Variants in ABTB3 observed in about 807,000 individuals in gnomAD.
The protein encoded by ABTB3 is ankyrin repeat and BTB domain containing 3.
the ABTB3 span, among the ~76,000 whole-genome samples, chr12:107,325,406 G>A: frequency 6.6e-6 from 1 of 152,214 alleles, no homozygotes; most frequent in African/African-American, 2.4e-5. Flanking sequence ...AGAGCCAGCT[G>A]TAGCAGTATC....
the ABTB3 span, among the ~76,000 whole-genome samples, chr12:107,621,432 C>T: frequency 4.8e-5 from 7 of 145,638 alleles, no homozygotes; most frequent in East Asian, 1.9e-4. Flanking sequence ...TAGTGAGAAA[C>T]ATTCCCAGGG....
the ABTB3 span, among the ~76,000 whole-genome samples, chr12:107,349,481 A>G: frequency 1.3e-5 from 2 of 152,192 alleles, 1 homozygote; most frequent in East Asian, 3.9e-4. Flanking sequence ...GACATTGAGC[A>G]TGCAGATGGA....
At chr12:107,344,392 T>C in the ABTB3 span, among the ~76,000 whole-genome samples, 1 of 152,194 alleles carries the variant, frequency 6.6e-6, no homozygotes, top group African/African-American at 2.4e-5. Context: ...TTGGTTGGGT[T>C]GCCAACCAAT....
the ABTB3 span, among the ~76,000 whole-genome samples, chr12:107,452,718 G>A: frequency 2.6e-5 from 4 of 152,146 alleles, no homozygotes; most frequent in Non-Finnish European, 5.9e-5. Flanking sequence ...GCAGGCACTT[G>A]TAATCCCAGC....
chr12:107,420,800 G>A, the ABTB3 span, among the ~76,000 whole-genome samples: 1 of 152,126 alleles, frequency 6.6e-6, no homozygotes, highest in Non-Finnish European at 1.5e-5. Flanking sequence ...CTGCACCCTG[G>A]GGATTAAAAG....
the ABTB3 span, among the ~76,000 whole-genome samples, chr12:107,526,270 C>A: frequency 6.6e-6 from 1 of 152,148 alleles, no homozygotes; most frequent in Non-Finnish European, 1.5e-5. Flanking sequence ...AATCAAGAGG[C>A]CACGAAAATC....
At chr12:107,574,451 G>C in the ABTB3 span, among the ~76,000 whole-genome samples, 1 of 152,158 alleles carries the variant, frequency 6.6e-6, no homozygotes, top group East Asian at 1.9e-4. Context: ...AGCTGGGTGC[G>C]GTGGCTCATT....
chr12:107,341,648 C>A, the ABTB3 span, among the ~76,000 whole-genome samples: 1 of 152,082 alleles, frequency 6.6e-6, no homozygotes, highest in African/African-American at 2.4e-5. Flanking sequence ...TCAGTGGAAC[C>A]CAGTTTGAAA....
the ABTB3 span, among the ~76,000 whole-genome samples, chr12:107,566,309 C>T: frequency 1.1e-3 from 173 of 152,214 alleles, 1 homozygote; most frequent in African/African-American, 4.1e-3. Flanking sequence ...TCTCTTTCTA[C>T]GTGGTGTCAT....
At chr12:107,559,813 A>G in the ABTB3 span, among the ~76,000 whole-genome samples, 6 of 152,134 alleles carry the variant, frequency 3.9e-5, no homozygotes, top group South Asian at 1.0e-3. Context: ...CTCACAGACT[A>G]CATCTTTTTA....
chr12:107,435,642 T>C, the ABTB3 span, among the ~76,000 whole-genome samples: 2 of 152,332 alleles, frequency 1.3e-5, no homozygotes, highest in East Asian at 3.9e-4. Context: ...AAGAGGGTCA[T>C]TATTTTTTCC....
At chr12:107,482,675 T>C in the ABTB3 span, among the ~76,000 whole-genome samples, 1 of 152,038 alleles carries the variant, frequency 6.6e-6, no homozygotes, top group Non-Finnish European at 1.5e-5. Flanking sequence ...TCTCCTGACA[T>C]GCCACCTCCT....
the ABTB3 span, among the ~76,000 whole-genome samples, chr12:107,654,834 A>ACACACACGCACG: frequency 6.7e-6 from 1 of 148,578 alleles, no homozygotes; most frequent in Non-Finnish European, 1.5e-5. Context: ...ACACACACAC[A>ACACACACGCACG]CACACACACA....
chr12:107,445,079 T>C, the ABTB3 span, among the ~76,000 whole-genome samples: 52 of 152,324 alleles, frequency 3.4e-4, no homozygotes, highest in African/African-American at 1.2e-3. Context: ...CCCATCTTCC[T>C]TAAATTAGCT....
the ABTB3 span, among the ~76,000 whole-genome samples, chr12:107,581,875 T>C: frequency 1.3e-5 from 2 of 152,284 alleles, no homozygotes; most frequent in South Asian, 4.1e-4. Context: ...ATAATCTGGC[T>C]TTAAATGCAA....
At chr12:107,401,387 A>G in the ABTB3 span, among the ~76,000 whole-genome samples, 4 of 152,180 alleles carry the variant, frequency 2.6e-5, no homozygotes, top group East Asian at 1.9e-4. Context: ...TGGTGATTAT[A>G]TTAACACTCA....
the ABTB3 span, among the ~76,000 whole-genome samples, chr12:107,481,052 G>T: frequency 7.9e-4 from 121 of 152,294 alleles, no homozygotes; most frequent in African/African-American, 2.6e-3. Flanking sequence ...CTCCCCAGGG[G>T]ACAAGTGGCA....
At chr12:107,469,956 CTTTCTTTCTTTCTTTCTT>C in the ABTB3 span, among the ~76,000 whole-genome samples, 1 of 67,142 alleles carries the variant, frequency 1.5e-5, no homozygotes, top group African/African-American at 9.5e-5. Context: ...TTCTTTCTTT[CTTTCTTTCTTTCTTTCTT>C]TCTTTCTTTC....
chr12:107,638,653 C>T, the ABTB3 span, among the ~76,000 whole-genome samples: 1 of 152,180 alleles, frequency 6.6e-6, no homozygotes, highest in Non-Finnish European at 1.5e-5. Context: ...TCCATTGAAC[C>T]TCTACTAATA....
Sources: allele counts gnomAD v4.1 joint callset (sites outside exome capture counted in the v4.1 genomes callset), GRCh38; gene constraint gnomAD v4.1.1; transcripts MANE v1.5; gene names NCBI Gene and HGNC (gene_info 2026-07-23, HGNC 2026-07-21).